Variants in SYN3 observed in about 807,000 individuals in gnomAD.
SYN3 encodes synapsin-3.
SYN3 carries 35 observed loss-of-function variants against 65.8 expected under a neutral mutation model. That is an observed-to-expected ratio of 0.53 (90% confidence interval 0.41 to 0.70). The LOEUF (loss-of-function observed/expected upper bound fraction) is 0.70. Among genes scored for constraint, SYN3 ranks in the 30% least tolerant of loss-of-function variants. The probability of loss-of-function intolerance (pLI) is 0.00; values close to 1 mark genes in which losing one functional copy is unlikely to be tolerated. For missense variants in SYN3, 680 were observed against 749.0 expected, an observed-to-expected ratio of 0.91 and a Z score of 1.08; for synonymous variants, 270 against 292.9, an observed-to-expected ratio of 0.92 and a Z score of 0.80.
At chr22:32,656,025 G>T (rs2060137835) in intron 6 of SYN3, among the ~76,000 whole-genome samples, 1 of 152,164 alleles carries the variant, frequency 6.6e-6, no homozygotes. Flanking sequence ...CAGGGGTGCA[G>T]GATTATTGTG....
chr22:32,979,399 G>T (rs1486473040), intron 3 of SYN3, among the ~76,000 whole-genome samples: 2 of 152,122 alleles, frequency 1.3e-5, no homozygotes, highest in Non-Finnish European at 2.9e-5. Context: ...AGTAGACATT[G>T]GGTTGACTTG....
chr22:32,567,021 G>T (rs1330275867), intron 7 of SYN3, among the ~76,000 whole-genome samples: 1 of 152,170 alleles, frequency 6.6e-6, no homozygotes, highest in Admixed American at 6.5e-5. Context: ...TGATACAGGG[G>T]AATGGATTCT....
chr22:32,869,786 C>T (rs766930838), intron 4 of SYN3, among the ~76,000 whole-genome samples: 1 of 149,310 alleles, frequency 6.7e-6, no homozygotes, highest in Non-Finnish European at 1.5e-5. Flanking sequence ...TTTGCTAGGT[C>T]CCTCTAGAGA....
At chr22:32,896,859 A>T (rs902922962) in intron 4 of SYN3, among the ~76,000 whole-genome samples, 6 of 152,244 alleles carry the variant, frequency 3.9e-5, no homozygotes, top group Non-Finnish European at 8.8e-5. Flanking sequence ...AAGTGAACAC[A>T]GTCTCTAACT....
chr22:32,865,515 C>T (rs1486488093), intron 5 of SYN3, among the ~76,000 whole-genome samples: 1 of 152,220 alleles, frequency 6.6e-6, no homozygotes, highest in Non-Finnish European at 1.5e-5. Context: ...GATCCAACCT[C>T]ATGGGATTGT....
chr22:32,763,313 AT>A (rs1053426235), intron 6 of SYN3, among the ~76,000 whole-genome samples: 12 of 148,814 alleles, frequency 8.1e-5, no homozygotes, highest in Middle Eastern at 3.4e-3. Context: ...CGCCTGGCTA[AT>A]TTTTTTTTTG....
At chr22:32,624,773 G>A (rs1005060782) in intron 6 of SYN3, among the ~76,000 whole-genome samples, 2 of 152,194 alleles carry the variant, frequency 1.3e-5, no homozygotes, top group African/African-American at 4.8e-5. Flanking sequence ...CTCCTGCCAC[G>A]GTGGGACCCA....
chr22:32,740,992 C>T (rs2061397725), intron 6 of SYN3, among the ~76,000 whole-genome samples: 1 of 152,092 alleles, frequency 6.6e-6, no homozygotes, highest in South Asian at 2.1e-4. Context: ...AGGTTTGAGG[C>T]ACAGTAGGGT....
chr22:32,977,311 G>A (rs1219491309), intron 3 of SYN3, among the ~76,000 whole-genome samples: 2 of 152,178 alleles, frequency 1.3e-5, no homozygotes, highest in East Asian at 1.9e-4. Flanking sequence ...GTACTGACAA[G>A]TTGGGCCAAT....
At chr22:32,762,729 A>G (rs1301595669) in intron 6 of SYN3, among the ~76,000 whole-genome samples, 1 of 152,228 alleles carries the variant, frequency 6.6e-6, no homozygotes, top group South Asian at 2.1e-4. Context: ...TGAAAGTCAC[A>G]TGGACTTGGG....
chr22:32,826,393 C>T (rs932655812), intron 6 of SYN3, among the ~76,000 whole-genome samples: 1 of 151,968 alleles, frequency 6.6e-6, no homozygotes. Flanking sequence ...TGTGTCACTG[C>T]ACTATAGCTT....
At chr22:32,654,544 C>A (rs548254120) in intron 6 of SYN3, among the ~76,000 whole-genome samples, 39 of 152,276 alleles carry the variant, frequency 2.6e-4, no homozygotes, top group African/African-American at 8.7e-4. Context: ...TGGCTCAGAG[C>A]CTTTGCCCTG....
intron 8 of SYN3, 90 bp from the exon 9 acceptor site, chr22:32,538,200 G>C: frequency 8.8e-7 from 1 of 1,141,588 alleles, no homozygotes; most frequent in Middle Eastern, 2.0e-4. Context: ...AGGAGGCTCT[G>C]ATTCAAATAA....
intron 10 of SYN3, among the ~76,000 whole-genome samples, chr22:32,531,950 C>A (rs1229107698): frequency 6.6e-6 from 1 of 151,948 alleles, no homozygotes; most frequent in African/African-American, 2.4e-5. Flanking sequence ...CATCCCCAAC[C>A]CTCTGAATGG....
intron 1 of SYN3, among the ~76,000 whole-genome samples, chr22:33,031,627 G>A (rs2053757023): frequency 6.6e-6 from 1 of 151,926 alleles, no homozygotes; most frequent in African/African-American, 2.4e-5. Context: ...CAGCCTGAGG[G>A]CCCTCTTCCC....
intron 6 of SYN3, among the ~76,000 whole-genome samples, chr22:32,699,538 G>A (rs2060783418): frequency 6.6e-6 from 1 of 152,160 alleles, no homozygotes; most frequent in Non-Finnish European, 1.5e-5. Flanking sequence ...GTGCAGGGAT[G>A]GGGGTAGGTG....
intron 7 of SYN3, among the ~76,000 whole-genome samples, chr22:32,550,137 G>A (rs1270108268): frequency 6.6e-6 from 1 of 152,090 alleles, no homozygotes; most frequent in Non-Finnish European, 1.5e-5. Context: ...TAAGCTAGTG[G>A]CTTAAACTTA....
At chr22:32,539,943 T>G in intron 8 of SYN3, among the ~76,000 whole-genome samples, 1 of 152,168 alleles carries the variant, frequency 6.6e-6, no homozygotes. Flanking sequence ...GAGGTGATTT[T>G]ATCACCCCGA....
At chr22:32,831,399 C>G (rs1374139241) in intron 6 of SYN3, among the ~76,000 whole-genome samples, 1 of 152,070 alleles carries the variant, frequency 6.6e-6, no homozygotes, top group East Asian at 1.9e-4. Context: ...GAAGAGTCTA[C>G]TTGTCTGTGA....
Sources: gnomAD v4.1 joint callset for allele counts (sites outside exome capture counted in the v4.1 genomes callset) on GRCh38, gnomAD v4.1.1 for gene constraint, MANE v1.5 for transcripts, NCBI Gene and HGNC (gene_info 2026-07-23, HGNC 2026-07-21) for gene names.